UCP2: variants seen among roughly 807,000 people sequenced by gnomAD.
The protein encoded by UCP2 is uncoupling protein 2.
Under a neutral mutation model 31.3 loss-of-function variants are expected in UCP2, and 27 were observed. The ratio of observed to expected loss-of-function variants is 0.86; its 90% CI spans 0.64 to 1.19. The LOEUF (loss-of-function observed/expected upper bound fraction) is 1.19, where lower values mean the gene tolerates loss of function less well. Ranked by LOEUF, UCP2 falls within the 50% of genes most tolerant of loss-of-function variation. The pLI, the probability that UCP2 is intolerant of heterozygous loss-of-function variation, is 0.00. For synonymous variants in UCP2, 142 were observed against 157.4 expected, an observed-to-expected ratio of 0.90 and a Z score of 0.73; for missense variants, 377 against 413.5, an observed-to-expected ratio of 0.91 and a Z score of 0.76.
intron 1 of UCP2, among the ~76,000 whole-genome samples, chr11:73,982,092 A>C (rs115622000): frequency 2.8e-4 from 42 of 152,266 alleles, no homozygotes; most frequent in African/African-American, 9.9e-4. Context: ...CGGTGCAGGA[A>C]CACTGCCTGG....
intron 2 of UCP2, among the ~76,000 whole-genome samples, chr11:73,980,229 G>A (rs1951429603): frequency 6.6e-6 from 1 of 152,164 alleles, no homozygotes; most frequent in Non-Finnish European, 1.5e-5. Flanking sequence ...AGCCCCGCCT[G>A]ACTGCCTTTG....
At chr11:73,979,007 C>A (rs368179410) in intron 2 of UCP2, among the ~76,000 whole-genome samples, 1 of 152,216 alleles carries the variant, frequency 6.6e-6, no homozygotes, top group Non-Finnish European at 1.5e-5. Flanking sequence ...CAGTCTAATT[C>A]TCTCCTCCAG....
At chr11:73,978,666 C>T in intron 2 of UCP2, 189 bp from the exon 3 acceptor site, 3 of 429,140 alleles carry the variant, frequency 7.0e-6, no homozygotes, top group Non-Finnish European at 4.4e-6. Flanking sequence ...CCTGCTCAAG[C>T]AGTCAATACT....
At chr11:73,978,661 T>C in intron 2 of UCP2, 184 bp from the exon 3 acceptor site, 1 of 434,752 alleles carries the variant, frequency 2.3e-6, no homozygotes, top group Non-Finnish European at 4.3e-6. Context: ...CAATTCCTGC[T>C]CAAGCAGTCA....
At chr11:73,982,395 T>C (rs1165681223) in intron 1 of UCP2, among the ~76,000 whole-genome samples, 1 of 152,130 alleles carries the variant, frequency 6.6e-6, no homozygotes, top group Non-Finnish European at 1.5e-5. Context: ...GAGGCCAGCC[T>C]GGCCAACATG....
Position 73,978,042 on chromosome 11 carries a change from C to T in UCP2, c.181G>A (p.Gly61Ser), listed in dbSNP as rs774824879. The change falls in exon 4 of 8, where the codon GGT becomes AGT. Residue 61 changes from glycine (G) to serine (S), a missense_variant. Physicochemically the swap from Gly to Ser is moderately conservative, Grantham distance 56 (BLOSUM62 0). Transcript: ENST00000663595. ...VRATASAQYRGVMGTILTMVR... is the reference protein window; with the variant it reads ...VRATASAQYRSVMGTILTMVR... ...ATGGTCAGAATGGTGCCCATCACAC[C>T]GCGGTACTGGGCGCTGGCTGTAGCG... 4.6e-5 allele frequency: 74 copies of T among 1,614,056 alleles called. No individual in the cohort carries two copies. In the African/African-American group the frequency reaches 6.0e-4, roughly 13 times the overall value.
intron 2 of UCP2, among the ~76,000 whole-genome samples, chr11:73,979,450 G>C (rs374969641): frequency 3.9e-5 from 6 of 152,230 alleles, no homozygotes; most frequent in African/African-American, 1.4e-4. Flanking sequence ...AGGAGGCTGA[G>C]GCAGGAGAAT....
rs376686039 is a variant in UCP2, at chr11:73,975,101, C to A, written c.836G>T (p.Arg279Leu). The A allele has an allele frequency of 6.2e-7, 1 of 1,613,130 alleles. No homozygotes were observed. Among genetic ancestry groups the A allele is most frequent in the African/African-American group, 1.3e-5 (1 of 74,888 alleles). The stretch of plus-strand genomic sequence containing the variant: ...CATCACCACGTTCCAGGAACCCAAG[C>A]GGAGAAAGGAGGGCATGAACCTAGA... The part of the protein sequence containing the change: ...FYKGFMPSFL[R>L]LGSWNVVMFV... Residue 279 changes from arginine to leucine, a missense_variant, in exon 8 of 8, where the codon CGC (arginine) becomes CTC (leucine). By Grantham distance (102) the Arg-to-Leu change is moderately radical (BLOSUM62 -2). Transcript: ENST00000663595.
intron 1 of UCP2, 110 bp from the exon 2 acceptor site, chr11:73,981,742 G>A (rs1229018347): frequency 6.6e-6 from 1 of 152,318 alleles, no homozygotes; most frequent in African/African-American, 2.4e-5. Flanking sequence ...CCAGGGACTG[G>A]TTAAGTGCAC....
chr11:73,977,968 G>A lies in UCP2; in HGVS notation c.255C>T (p.Gly85=), dbSNP rs751313580. 4 of 1,614,226 alleles carry A rather than the reference G, an allele frequency of 2.5e-6. No homozygotes were observed. The highest frequency in any genetic ancestry group is 1.6e-4 in the Middle Eastern group (1 of 6,062). Residue 85 remains glycine (G), a synonymous_variant, in exon 4 of 8, where the codon GGC becomes GGT. Transcript: ENST00000663595. ...AGGCAAAGCTCATTTGGCGCTGCAGGCCGGCAACCAGCCCATTGTAGAGGC... is the reference window on the plus strand; with the variant it reads ...AGGCAAAGCTCATTTGGCGCTGCAGACCGGCAACCAGCCCATTGTAGAGGC... ...PRSLYNGLVA[G]LQRQMSFASV...
At position 73,975,631 on chromosome 11, in the gene UCP2, G is replaced by A; in HGVS notation, c.675C>T (p.Gly225=). Residue 225 remains glycine, a synonymous_variant, in exon 7 of 8, where the codon GGC becomes GGT. Transcript: ENST00000663595. ...GGGAGGCGATGACAGTGGTGCAGAA[G>A]CCTGCCCCAAAGGCAGAAGTGAAGT... ...PCHFTSAFGA[G]FCTTVIASPV... is the part of the protein sequence containing the mutation. 3 of 1,614,248 alleles carry A rather than the reference G, an allele frequency of 1.9e-6. No individual in the cohort carries two copies. The highest frequency in any genetic ancestry group is 1.1e-5 in the South Asian group (1 of 91,088).
Position 73,975,506 on chromosome 11 carries a change from C to T in UCP2, c.800G>A (p.Arg267Gln), listed in dbSNP as rs753260142. 22 of 1,610,724 alleles carry T rather than the reference C, an allele frequency of 1.4e-5. No individual in the cohort carries two copies. The highest frequency in any genetic ancestry group is 1.3e-4 in the East Asian group (6 of 44,818). The change falls in exon 7 of 8, where the codon CGA becomes CAA. Residue 267 changes from arginine (R) to glutamine (Q), a missense_variant. By Grantham distance (43) the Arg-to-Gln change is conservative. Transcript: ENST00000663595. ...ALTMLQKEGPRAFYKGFMPSF... is the reference protein window; with the variant it reads ...ALTMLQKEGPQAFYKGFMPSF... ...AGAGGCTCACCCTTTGTAGAAGGCTCGGGGCCCCTCCTTCTGGAGCATGGT... is the reference window on the plus strand; with the variant it reads ...AGAGGCTCACCCTTTGTAGAAGGCTTGGGGCCCCTCCTTCTGGAGCATGGT...
chr11:73,975,742 A>G lies in UCP2; in HGVS notation c.635-71T>C. 4 of 1,561,040 alleles carry G rather than the reference A, an allele frequency of 2.6e-6. No individual in the cohort carries two copies. The South Asian group carries it at 4.5e-5, about 17-fold the overall frequency. On this transcript the variant is annotated intron_variant, in intron 6 of 7. Coordinates refer to ENST00000663595, the MANE Select transcript of UCP2 (RefSeq NM_003355.3). ...TTCCAGAAGGCAGGAGAATTACTTA[A>G]GTAGCTACGAGTTTTCATGATTTTA... is the stretch of plus-strand genomic sequence containing the variant.
intron 2 of UCP2, chr11:73,980,850 T>A (rs528691353): frequency 1.3e-5 from 2 of 152,202 alleles, no homozygotes; most frequent in South Asian, 4.1e-4. Context: ...ATCAGAGATA[T>A]GATGACATGA....
At position 73,974,817 on chromosome 11, in the gene UCP2, C is replaced by A; in HGVS notation, c.*190G>T. 5.4e-6 allele frequency: 2 copies of A among 372,392 alleles called. No homozygotes were observed. The highest frequency in any genetic ancestry group is 5.1e-6 in the Non-Finnish European group (1 of 195,516). The allele number at this position is 372,392 out of a possible 1,614,324, so 23.1% of individuals were successfully genotyped here. A position where few individuals can be genotyped will look rare whatever the true frequency, so the allele number is the denominator to read the frequency against. ...CTCCCACACTGTCAAATGTCAACTC[C>A]ACCAGCACTGAGACAATGAGTAGAT... On this transcript the variant is annotated 3_prime_UTR_variant, in exon 8 of 8. Transcript: ENST00000663595.
Position 73,975,114 on chromosome 11 carries a change from G to A in UCP2, c.823C>T (p.Pro275Ser). The change falls in exon 8 of 8, where the codon CCC becomes TCC. Residue 275 changes from proline (P) to serine (S), a missense_variant. Physicochemically the swap from Pro to Ser is moderately conservative, Grantham distance 74. Coordinates refer to ENST00000663595, the MANE Select transcript of UCP2 (RefSeq NM_003355.3). ...GPRAFYKGFM[P>S]SFLRLGSWNV... is the part of the protein sequence containing the mutation. Reference sequence around the variant, plus strand: ...CAGGAACCCAAGCGGAGAAAGGAGGGCATGAACCTAGAGGAGAAAAATCAC... The same window carrying A: ...CAGGAACCCAAGCGGAGAAAGGAGGACATGAACCTAGAGGAGAAAAATCAC... 6.2e-7 allele frequency: 1 copy of A among 1,612,182 alleles called. No individual in the cohort carries two copies. Among genetic ancestry groups the A allele is most frequent in the Admixed American group, 1.7e-5 (1 of 59,724 alleles).
chr11:73,977,366 G>A (rs564789710), intron 4 of UCP2, among the ~76,000 whole-genome samples: 16 of 152,124 alleles, frequency 1.1e-4, no homozygotes, highest in Non-Finnish European at 2.1e-4. Context: ...GGCTTTCTGA[G>A]GACTGGGATT....
intron 2 of UCP2, 185 bp from the exon 3 acceptor site, chr11:73,978,662 C>T (rs1204990434): frequency 2.3e-6 from 1 of 435,482 alleles, no homozygotes; most frequent in Non-Finnish European, 4.3e-6. Flanking sequence ...AATTCCTGCT[C>T]AAGCAGTCAA....
At chr11:73,977,090 C>A in intron 4 of UCP2, 73 bp from the exon 5 acceptor site, 1 of 1,471,702 alleles carries the variant, frequency 6.8e-7, no homozygotes, top group Non-Finnish European at 9.1e-7. Flanking sequence ...CTCACCAAAA[C>A]CACCCTGTCA....
Sources: allele counts gnomAD v4.1 joint callset (sites outside exome capture counted in the v4.1 genomes callset), GRCh38; gene constraint gnomAD v4.1.1; transcripts MANE v1.5; gene names NCBI Gene and HGNC (gene_info 2026-07-23, HGNC 2026-07-21).